The following DPP6 variants were observed in gnomAD, a reference collection of about 807,000 sequenced individuals.
DPP6 encodes the protein A-type potassium channel modulatory protein DPP6.
DPP6 carries 69 observed loss-of-function variants against 122.6 expected under a neutral mutation model. That is an observed-to-expected ratio of 0.56 (90% CI 0.46 to 0.69). The LOEUF is 0.69. Ranked by LOEUF, DPP6 falls within the 30% of genes least tolerant of loss-of-function variation. The probability of loss-of-function intolerance (pLI) is 0.00; values close to 1 mark genes in which losing one functional copy is unlikely to be tolerated. For missense variants in DPP6, 928 were observed against 1,116.9 expected (o/e 0.83, Z 2.41); for synonymous variants, 418 against 433.1 (o/e 0.97, Z 0.43).
chr7:153,925,224 C>G (rs1800832422), intron 1 of DPP6, among the ~76,000 whole-genome samples: 1 of 152,126 alleles, frequency 6.6e-6, no homozygotes, highest in Non-Finnish European at 1.5e-5. Context: ...AGTAGAAGGT[C>G]CCCAAGATTC....
intron 1 of DPP6, among the ~76,000 whole-genome samples, chr7:153,982,795 C>T (rs1318971841): frequency 2.0e-5 from 3 of 152,196 alleles, no homozygotes; most frequent in Non-Finnish European, 4.4e-5. Flanking sequence ...TTCTAACAGT[C>T]AGTCACCTCT....
Position 154,809,902 on chromosome 7 carries a change from C to T in DPP6, c.1666+2790C>T, listed in dbSNP as rs145082792. On this transcript the variant is annotated intron_variant, in intron 16 of 25. Transcript: ENST00000377770. ...TGTTGTTGTTTGAGATGGAGTCTTG[C>T]TCTGCCGCCCAGGCTGGAGTGCACT... is the stretch of plus-strand genomic sequence containing the variant. Among the ~76,000 whole-genome samples the T allele has an allele frequency of 2.2e-3, 333 of 152,322 alleles. 1 individual carries two copies. The highest frequency in any genetic ancestry group is 7.6e-3 in the African/African-American group (316 of 41,580).
intron 1 of DPP6, among the ~76,000 whole-genome samples, chr7:154,298,656 G>C (rs1189082976): frequency 6.6e-6 from 1 of 152,164 alleles, no homozygotes; most frequent in Non-Finnish European, 1.5e-5. Flanking sequence ...TGAAGCATGG[G>C]GTGAAGGTGA....
chr7:154,121,709 T>C (rs1415306343), intron 1 of DPP6, among the ~76,000 whole-genome samples: 1 of 152,200 alleles, frequency 6.6e-6, no homozygotes, highest in Non-Finnish European at 1.5e-5. Flanking sequence ...TACAGTCCAT[T>C]TTAGAGAATG....
At chr7:154,208,987 A>G (rs1799598321) in intron 1 of DPP6, among the ~76,000 whole-genome samples, 2 of 152,352 alleles carry the variant, frequency 1.3e-5, no homozygotes, top group South Asian at 2.1e-4. Flanking sequence ...AGAGCATTTT[A>G]CAACAGTGAT....
chr7:154,697,592 T>A (rs1331616854), intron 7 of DPP6, among the ~76,000 whole-genome samples: 1 of 152,186 alleles, frequency 6.6e-6, no homozygotes, highest in Admixed American at 6.5e-5. Flanking sequence ...GTCACATGGA[T>A]ACGTTATGGG....
chr7:154,438,155 A>C (rs1819025916), intron 1 of DPP6, among the ~76,000 whole-genome samples: 1 of 152,060 alleles, frequency 6.6e-6, no homozygotes, highest in Non-Finnish European at 1.5e-5. Flanking sequence ...AAATTAGTTT[A>C]AGTAAAATGG....
At chr7:154,699,970 G>T (rs1253270350) in intron 7 of DPP6, among the ~76,000 whole-genome samples, 1 of 152,150 alleles carries the variant, frequency 6.6e-6, no homozygotes, top group East Asian at 1.9e-4. Flanking sequence ...GTCCTCTTGG[G>T]CCAGTGGGCT....
chr7:154,064,734 C>T (rs1270440129), intron 1 of DPP6, among the ~76,000 whole-genome samples: 15 of 152,258 alleles, frequency 9.9e-5, no homozygotes, highest in South Asian at 2.1e-4. Context: ...CAGTTCCTAA[C>T]GAGAGAGGAA....
chr7:153,980,713 T>C (rs796091124), intron 1 of DPP6, among the ~76,000 whole-genome samples: 1 of 152,224 alleles, frequency 6.6e-6, no homozygotes. Context: ...TAAATACTGC[T>C]TTAGCTTTGT....
chr7:154,163,963 G>C (rs1210840165), intron 1 of DPP6, among the ~76,000 whole-genome samples: 1 of 152,032 alleles, frequency 6.6e-6, no homozygotes, highest in Non-Finnish European at 1.5e-5. Flanking sequence ...CTTCCACCTG[G>C]ACTTCCAAGT....
the DPP6 span, among the ~76,000 whole-genome samples, chr7:153,818,852 A>T: frequency 6.6e-6 from 1 of 151,730 alleles, no homozygotes; most frequent in African/African-American, 2.4e-5. Flanking sequence ...CCCGGGTGCA[A>T]GCGATTCTCC....
chr7:154,671,236 G>A (rs1173266898), intron 7 of DPP6, among the ~76,000 whole-genome samples: 2 of 149,118 alleles, frequency 1.3e-5, no homozygotes, highest in Middle Eastern at 3.5e-3. Flanking sequence ...CAAATCATCT[G>A]TGAAAGTGGC....
At chr7:154,367,867 C>A (rs1264716168) in intron 1 of DPP6, among the ~76,000 whole-genome samples, 1 of 152,188 alleles carries the variant, frequency 6.6e-6, no homozygotes, top group Non-Finnish European at 1.5e-5. Flanking sequence ...CGACAGTGGG[C>A]GCGATCTCGG....
chr7:154,627,598 T>C (rs1297433811), intron 5 of DPP6, among the ~76,000 whole-genome samples: 1 of 152,122 alleles, frequency 6.6e-6, no homozygotes, highest in African/African-American at 2.4e-5. Flanking sequence ...ATATGGTCAT[T>C]AATATGGGGG....
rs532031087 is a variant in DPP6 at position 154,100,933 on chromosome 7, C to T, written c.243+47870C>T. Reference sequence around the variant, plus strand: ...CTCTGCTGTGAAGCCTGCCCTTCCTCGTCAAGACCCCAAACGAGGCTCACC... The same window carrying T: ...CTCTGCTGTGAAGCCTGCCCTTCCTTGTCAAGACCCCAAACGAGGCTCACC... On this transcript the variant is annotated intron_variant, in intron 1 of 25. Transcript: ENST00000377770. Among the ~76,000 whole-genome samples, 7 of 143,796 alleles carry T rather than the reference C, an allele frequency of 4.9e-5. 1 individual carries two copies. Among genetic ancestry groups the T allele is most frequent in the Non-Finnish European group, 1.1e-4 (7 of 64,704 alleles). The allele number at this position is 143,796 out of a possible 152,430, so 94.3% of individuals were successfully genotyped here.
At position 154,062,235 on chromosome 7, in the gene DPP6, G is replaced by C. The variant is rs191747248; in HGVS notation, c.243+9172G>C. On this transcript the variant is annotated intron_variant, in intron 1 of 25. Coordinates refer to ENST00000377770, the MANE Select transcript of DPP6 (RefSeq NM_130797.4). ...CGGGTGTTAGGTGTCCAAGTAGAAA[G>C]TTCAAATCTTCTGACGGCAGGTACC... is the stretch of plus-strand genomic sequence containing the variant. Among the ~76,000 whole-genome samples, 243 of 95,804 alleles carry C rather than the reference G, an allele frequency of 2.5e-3. 63 individuals are homozygous for C. The highest frequency in any genetic ancestry group is 8.9e-3 in the African/African-American group (231 of 26,000). 62.9% of individuals were successfully genotyped at this position (95,804 alleles called of 152,430 possible).
Position 154,486,385 on chromosome 7 carries a change from AC to A in DPP6, c.457+11350del, listed in dbSNP as rs1310526993. Among the ~76,000 whole-genome samples, 1 of 151,976 alleles carries A rather than the reference AC, an allele frequency of 6.6e-6. No homozygotes were observed. The highest frequency in any genetic ancestry group is 6.6e-5 in the Admixed American group (1 of 15,256). On this transcript the variant is annotated intron_variant, in intron 3 of 25. Coordinates refer to ENST00000377770, the MANE Select transcript of DPP6 (RefSeq NM_130797.4). This position sits in a 1 kb window ranked among gnomAD's most constrained non-coding sequence, Gnocchi z 4.5. ...CTGACCTCGTGATCTGCCTACCTCG[AC>A]CACCTAAAGTGCTGGGATTACGGGT...
chr7:154,493,373 C>T (rs993914805), intron 3 of DPP6, among the ~76,000 whole-genome samples: 17 of 152,150 alleles, frequency 1.1e-4, no homozygotes, highest in Non-Finnish European at 1.2e-4. Flanking sequence ...TGCAACTTTC[C>T]GTGGTTCAGT....
Sources: gnomAD v4.1 joint callset for allele counts (sites outside exome capture counted in the v4.1 genomes callset) on GRCh38, gnomAD v4.1.1 for gene constraint, Gnocchi (gnomAD v3.1) non-coding constraint, MANE v1.5 for transcripts, NCBI Gene and HGNC (gene_info 2026-07-23, HGNC 2026-07-21) for gene names.